Variants in GRID1 observed in about 807,000 individuals in gnomAD.
GRID1 encodes glutamate ionotropic receptor delta type subunit 1, also known as glutamate receptor ionotropic, delta-1.
In GRID1, 28 loss-of-function variants were observed where a neutral mutation model predicts 98.0. That is an observed-to-expected ratio of 0.29 (90% CI 0.21 to 0.39). The LOEUF (loss-of-function observed/expected upper bound fraction) is 0.39, where lower values mean the gene tolerates loss of function less well. Ranked by LOEUF, GRID1 falls within the 10% of genes least tolerant of loss-of-function variation. The pLI, the probability that GRID1 is intolerant of heterozygous loss-of-function variation, is 1.00. For missense variants in GRID1, 1,111 were observed against 1,340.5 expected, an observed-to-expected ratio of 0.83 and a Z score of 2.67; for synonymous variants, 553 against 538.5, an observed-to-expected ratio of 1.03 and a Z score of -0.37.
At chr10:85,716,130 C>T (rs1841636268) in intron 12 of GRID1, among the ~76,000 whole-genome samples, 1 of 152,122 alleles carries the variant, frequency 6.6e-6, no homozygotes. Flanking sequence ...TGGTCTTGAA[C>T]TCCTGACCTC....
chr10:86,247,600 C>T (rs1006126576), intron 2 of GRID1, among the ~76,000 whole-genome samples: 1 of 152,216 alleles, frequency 6.6e-6, no homozygotes, highest in Non-Finnish European at 1.5e-5. Flanking sequence ...GAAGGAAAGG[C>T]TCTGGGTCTT....
chr10:85,855,946 G>C, intron 7 of GRID1, 83 bp downstream of exon 7: 1 of 1,278,452 alleles, frequency 7.8e-7, no homozygotes. Context: ...CCTAGCTTCA[G>C]GCCAGCTACT....
intron 2 of GRID1, among the ~76,000 whole-genome samples, chr10:86,360,486 G>A (rs1848586375): frequency 6.6e-6 from 1 of 152,108 alleles, no homozygotes; most frequent in Admixed American, 6.5e-5. Flanking sequence ...CATGCTCATT[G>A]CAGCAATGCA....
At chr10:86,127,747 C>T (rs1793385864) in intron 4 of GRID1, among the ~76,000 whole-genome samples, 1 of 152,168 alleles carries the variant, frequency 6.6e-6, no homozygotes, top group Non-Finnish European at 1.5e-5. Context: ...AGCTATGCTT[C>T]CTGACACAGA....
At chr10:85,725,082 A>G (rs1027281430) in intron 10 of GRID1, among the ~76,000 whole-genome samples, 1 of 151,470 alleles carries the variant, frequency 6.6e-6, no homozygotes, top group South Asian at 2.1e-4. Context: ...TCCTCCCTAC[A>G]TGTTAAGACC....
chr10:86,176,652 G>A (rs1268046120), intron 3 of GRID1, among the ~76,000 whole-genome samples: 2 of 152,220 alleles, frequency 1.3e-5, no homozygotes, highest in Non-Finnish European at 2.9e-5. Context: ...GCAATGAAGA[G>A]CTACTGAAGG....
chr10:85,627,171 C>T (rs1225189441), intron 13 of GRID1, among the ~76,000 whole-genome samples: 1 of 152,120 alleles, frequency 6.6e-6, no homozygotes, highest in African/African-American at 2.4e-5. Context: ...AAAAGAGGCA[C>T]CCCTGAGCTA....
chr10:86,300,864 C>G (rs919598276), intron 2 of GRID1, among the ~76,000 whole-genome samples: 6 of 152,098 alleles, frequency 3.9e-5, no homozygotes, highest in Non-Finnish European at 5.9e-5. Flanking sequence ...GTCCGGGAAG[C>G]CTGGGCTAGG....
At chr10:85,743,726 G>C (rs10887526) in intron 8 of GRID1, among the ~76,000 whole-genome samples, 31,031 of 152,068 alleles carry the variant, frequency 0.2, 3,454 homozygotes, top group Middle Eastern at 0.28. Context: ...AATTTTGCAC[G>C]AACCTAATAT....
chr10:86,097,308 T>C (rs1411678362), intron 4 of GRID1, among the ~76,000 whole-genome samples: 1 of 152,194 alleles, frequency 6.6e-6, no homozygotes, highest in East Asian at 1.9e-4. Flanking sequence ...TTAACAAATA[T>C]ATCGAAAACT....
At chr10:86,041,617 C>T (rs189284911) in intron 4 of GRID1, among the ~76,000 whole-genome samples, 1 of 152,106 alleles carries the variant, frequency 6.6e-6, no homozygotes, top group Non-Finnish European at 1.5e-5. Context: ...AAGCCCAGTA[C>T]CCCATCATTC....
chr10:85,775,208 C>T (rs1842317603), intron 8 of GRID1, among the ~76,000 whole-genome samples: 3 of 151,842 alleles, frequency 2.0e-5, no homozygotes, highest in Non-Finnish European at 4.4e-5. Context: ...TCATCATTCT[C>T]AGTAAACTAT....
At chr10:86,123,572 G>A (rs1435526483) in intron 4 of GRID1, among the ~76,000 whole-genome samples, 1 of 152,228 alleles carries the variant, frequency 6.6e-6, no homozygotes, top group Non-Finnish European at 1.5e-5. Context: ...CTGGGGAGGC[G>A]AGGCCCTGCA....
In GRID1 at chr10:86,206,445, C is replaced by T. The variant is rs368060520; in HGVS notation, c.439G>A (p.Val147Ile). The change falls in exon 3 of 16, where the codon GTC (valine) becomes ATC (isoleucine). Residue 147 changes from valine (V) to isoleucine (I), a missense_variant. This residue lies in a region of GRID1 where 346 missense variants were observed against 452.3 expected (regional missense o/e 0.76). Transcript: ENST00000327946. The surrounding 1 kb of genome is among the most constrained non-coding windows in gnomAD (Gnocchi z 4.1). ...EAYTLASRPP[V>I]RLNDVMLRLV... ...CTGAGCATGACATCATTGAGGCGGA[C>T]GGGTGGTCTCGAAGCCAGTGTGTAG... The T allele has an allele frequency of 2.4e-5, 39 of 1,613,986 alleles. No homozygotes were observed. The highest frequency in any genetic ancestry group is 2.3e-4 in the African/African-American group (17 of 74,932).
intron 8 of GRID1, among the ~76,000 whole-genome samples, chr10:85,771,952 T>A (rs1407954103): frequency 6.6e-6 from 1 of 151,986 alleles, no homozygotes; most frequent in Admixed American, 6.5e-5. Flanking sequence ...GAATTGAACT[T>A]AGCTCTGCAC....
chr10:85,782,201 C>T (rs1842387604), intron 8 of GRID1, among the ~76,000 whole-genome samples: 1 of 152,114 alleles, frequency 6.6e-6, no homozygotes, highest in South Asian at 2.1e-4. Context: ...AACAACTGAC[C>T]CTCAGACAAG....
At chr10:85,689,054 C>A (rs1041326003) in intron 12 of GRID1, among the ~76,000 whole-genome samples, 1 of 152,198 alleles carries the variant, frequency 6.6e-6, no homozygotes, top group Admixed American at 6.5e-5. Context: ...AATTTTGATT[C>A]TATCAGTCAA....
intron 12 of GRID1, among the ~76,000 whole-genome samples, chr10:85,678,849 G>A (rs1841174496): frequency 6.6e-6 from 1 of 151,942 alleles, no homozygotes; most frequent in African/African-American, 2.4e-5. Context: ...TGCAACTTTG[G>A]TTTGTACTCC....
chr10:86,279,332 C>A (rs543284983), intron 2 of GRID1, among the ~76,000 whole-genome samples: 128 of 152,176 alleles, frequency 8.4e-4, no homozygotes, highest in African/African-American at 3.0e-3. Context: ...GTTATAGCAG[C>A]CTTATAAACG....
Sources: gnomAD v4.1 joint callset for allele counts (sites outside exome capture counted in the v4.1 genomes callset) on GRCh38, gnomAD v4.1.1 for gene constraint, gnomAD v4.1.1 regional missense constraint, Gnocchi (gnomAD v3.1) non-coding constraint, MANE v1.5 for transcripts, NCBI Gene and HGNC (gene_info 2026-07-23, HGNC 2026-07-21) for gene names.